The following XPO1 variants were observed in gnomAD, a reference collection of about 807,000 sequenced individuals.
XPO1 encodes exportin-1.
In XPO1, 5 loss-of-function variants were observed where a neutral mutation model predicts 133.3. The ratio of observed to expected loss-of-function variants is 0.04; its 90% CI spans 0.02 to 0.08. The LOEUF (loss-of-function observed/expected upper bound fraction) is 0.08. Ranked by LOEUF, XPO1 falls within the 10% of genes least tolerant of loss-of-function variation. XPO1 has a pLI of 1.00. For synonymous variants in XPO1, 419 were observed against 408.2 expected (o/e 1.03, Z -0.32); for missense variants, 506 against 1,267.5 (o/e 0.40, Z 9.12).
At chr2:61,487,053 GCTCA>G (rs1696731382) in intron 19 of XPO1, among the ~76,000 whole-genome samples, 2 of 151,248 alleles carry the variant, frequency 1.3e-5, no homozygotes, top group South Asian at 2.1e-4. Flanking sequence ...CGCAATCTTG[GCTCA>G]CTGTCACCTC....
intron 1 of XPO1, chr2:61,534,340 C>T (rs1271753650): frequency 6.6e-6 from 1 of 152,606 alleles, no homozygotes. Context: ...CTGAATAACT[C>T]AGTAAAAGCT....
At chr2:61,502,094 A>G in intron 5 of XPO1, 54 bp from the exon 6 acceptor site, 1 of 1,541,592 alleles carries the variant, frequency 6.5e-7, no homozygotes, top group Non-Finnish European at 8.8e-7. Flanking sequence ...AAATAAGAAT[A>G]TAACCAGACA....
chr2:61,514,213 T>G (rs1352540312), intron 4 of XPO1, among the ~76,000 whole-genome samples: 2 of 151,556 alleles, frequency 1.3e-5, no homozygotes, highest in Non-Finnish European at 2.9e-5. Context: ...GAGCAAAATT[T>G]TTGAACAGAC....
chr2:61,490,490 C>G, intron 17 of XPO1, 152 bp downstream of exon 17: 1 of 1,157,916 alleles, frequency 8.6e-7, no homozygotes, highest in Non-Finnish European at 1.2e-6. Context: ...TGAGCCACCA[C>G]ACCTCGCCCA....
intron 21 of XPO1, 29 bp downstream of exon 21, chr2:61,483,907 CA>C: frequency 6.2e-7 from 1 of 1,604,072 alleles, no homozygotes; most frequent in Non-Finnish European, 8.5e-7. Context: ...GATTGGCAGG[CA>C]AATGAATAAA....
intron 6 of XPO1, among the ~76,000 whole-genome samples, chr2:61,500,756 G>A (rs1296966663): frequency 6.6e-6 from 1 of 151,992 alleles, no homozygotes; most frequent in African/African-American, 2.4e-5. Context: ...CTAAGACGGT[G>A]CCACTGCACT....
chr2:61,490,836 A>C (rs1053090677), intron 16 of XPO1, 60 bp from the exon 17 acceptor site: 2 of 1,574,090 alleles, frequency 1.3e-6, no homozygotes, highest in South Asian at 1.1e-5. Flanking sequence ...GGAAAACCAC[A>C]CACAAGCAAT....
Position 61,537,781 on chromosome 2 carries a change from A to ACACACC in XPO1, c.-227_-226insGGTGTG, listed in dbSNP as rs1699419566. On this transcript the variant is annotated 5_prime_UTR_variant, in exon 1 of 25. Coordinates refer to ENST00000401558, the MANE Select transcript of XPO1 (RefSeq NM_003400.4). ...CACACACACACACACACACACACACACACCCGCCCCCCCCCAAAAGGGGAA... is the reference window on the plus strand; with the variant it reads ...CACACACACACACACACACACACACACACACCCACCCGCCCCCCCCCAAAAGGGGAA... 1 of 145,638 alleles carries ACACACC rather than the reference A, an allele frequency of 6.9e-6. No homozygotes were observed. Among genetic ancestry groups the ACACACC allele is most frequent in the Admixed American group, 7.1e-5 (1 of 14,128 alleles). 9.0% of individuals were successfully genotyped at this position (145,638 alleles called of 1,614,324 possible).
intron 9 of XPO1, 94 bp downstream of exon 9, chr2:61,498,579 G>T: frequency 6.7e-7 from 1 of 1,488,682 alleles, no homozygotes; most frequent in Non-Finnish European, 9.0e-7. Context: ...AAACAAGGTT[G>T]AATAAGGTTT....
chr2:61,507,681 C>T (rs1208613395), intron 4 of XPO1, among the ~76,000 whole-genome samples: 3 of 152,088 alleles, frequency 2.0e-5, no homozygotes, highest in Non-Finnish European at 4.4e-5. Flanking sequence ...AGTTCGAGAC[C>T]AGCCTGGCCA....
At chr2:61,489,615 C>T (rs939599555) in intron 17 of XPO1, among the ~76,000 whole-genome samples, 2 of 150,590 alleles carry the variant, frequency 1.3e-5, no homozygotes, top group African/African-American at 4.9e-5. Flanking sequence ...AGTGCAGCGG[C>T]GTGATCTCGG....
chr2:61,479,532 A>G (rs1175630157), intron 24 of XPO1, among the ~76,000 whole-genome samples: 1 of 152,142 alleles, frequency 6.6e-6, no homozygotes, highest in African/African-American at 2.4e-5. Flanking sequence ...GTATGCTTCT[A>G]CCGAAGTATC....
intron 11 of XPO1, 99 bp downstream of exon 11, chr2:61,495,356 A>C (rs1266430821): frequency 5.2e-6 from 5 of 955,926 alleles, no homozygotes; most frequent in Non-Finnish European, 7.2e-6. Flanking sequence ...TTAAGTAATA[A>C]GAAATCTCAA....
intron 4 of XPO1, among the ~76,000 whole-genome samples, chr2:61,505,704 G>A (rs368890301): frequency 1.3e-5 from 2 of 152,040 alleles, no homozygotes; most frequent in Non-Finnish European, 2.9e-5. Flanking sequence ...GATTACAGAC[G>A]TGAGCCACCG....
chr2:61,531,086 C>A (rs1452737711), intron 2 of XPO1, among the ~76,000 whole-genome samples: 2 of 152,174 alleles, frequency 1.3e-5, no homozygotes, highest in African/African-American at 4.8e-5. Flanking sequence ...ATGTTTTCCA[C>A]TATAGCAGCT....
rs1300299778 is a variant in XPO1 at position 61,477,925 on chromosome 2, A to T, written c.*895T>A. ...TAATATAGGAATAAATGAGTCAATA[A>T]AGGAAAAATAAATGTAAACCAAGTT... is the stretch of plus-strand genomic sequence containing the variant. On this transcript the variant is annotated 3_prime_UTR_variant, in exon 25 of 25. Coordinates refer to ENST00000401558, the MANE Select transcript of XPO1 (RefSeq NM_003400.4). 1 of 221,782 alleles carries T rather than the reference A, an allele frequency of 4.5e-6. No individual in the cohort carries two copies. Among genetic ancestry groups the T allele is most frequent in the Non-Finnish European group, 9.0e-6 (1 of 110,680 alleles). The allele number at this position is 221,782 out of a possible 1,614,324, so 13.7% of individuals were successfully genotyped here.
At position 61,537,436 on chromosome 2, in the gene XPO1, G is replaced by C. The variant is rs1343323309; in HGVS notation, c.-7+126C>G. 11 of 147,716 alleles carry C rather than the reference G, an allele frequency of 7.4e-5. No individual in the cohort carries two copies. In the South Asian group the frequency reaches 2.0e-3, roughly 26 times the overall value. The allele number at this position is 147,716 out of a possible 1,614,324, so 9.2% of individuals were successfully genotyped here. A position where few individuals can be genotyped will look rare whatever the true frequency, so the allele number is the denominator to read the frequency against. Reference sequence around the variant, plus strand: ...TCCGCTGTGGGCCCGCCGCGCCCCCGGCCCGCCCGCCGCCTCCCGGGCTCG... The same window carrying C: ...TCCGCTGTGGGCCCGCCGCGCCCCCCGCCCGCCCGCCGCCTCCCGGGCTCG... On this transcript the variant is annotated intron_variant, in intron 1 of 24. Transcript: ENST00000401558.
At chr2:61,487,687 G>A (rs191444079) in intron 19 of XPO1, among the ~76,000 whole-genome samples, 24 of 152,102 alleles carry the variant, frequency 1.6e-4, no homozygotes, top group African/African-American at 4.8e-4. Flanking sequence ...TGAGGCATAC[G>A]CAGCTGGTTT....
intron 2 of XPO1, among the ~76,000 whole-genome samples, chr2:61,530,181 A>G (rs1699090681): frequency 7.2e-5 from 11 of 152,176 alleles, no homozygotes; most frequent in Admixed American, 7.2e-4. Context: ...ATTTTGTCAG[A>G]TGCTTTGAAG....
Sources: allele counts gnomAD v4.1 joint callset (sites outside exome capture counted in the v4.1 genomes callset), GRCh38; gene constraint gnomAD v4.1.1; transcripts MANE v1.5; gene names NCBI Gene and HGNC (gene_info 2026-07-23, HGNC 2026-07-21).